The following LRP1B variants were observed in gnomAD, a reference collection of about 807,000 sequenced individuals.
LRP1B encodes the protein low-density lipoprotein receptor-related protein 1B.
Under a neutral mutation model 556.6 loss-of-function variants are expected in LRP1B, and 217 were observed. The ratio of observed to expected loss-of-function variants is 0.39; its 90% CI spans 0.35 to 0.44. LRP1B has a LOEUF of 0.44. Ranked by LOEUF, LRP1B falls within the 20% of genes least tolerant of loss-of-function variation. The pLI, the probability that LRP1B is intolerant of heterozygous loss-of-function variation, is 1.00. For missense variants in LRP1B, 5,053 were observed against 5,620.8 expected (o/e 0.90, Z 3.23); for synonymous variants, 2,047 against 1,865.8 (o/e 1.10, Z -2.50).
intron 60 of LRP1B, among the ~76,000 whole-genome samples, chr2:140,458,419 G>C (rs562132496): frequency 1.2e-4 from 18 of 152,182 alleles, no homozygotes; most frequent in Admixed American, 2.6e-4. Context: ...CAGTAAATAA[G>C]ATATGGTAAA....
chr2:141,657,587 C>CT (rs11448023), intron 2 of LRP1B, among the ~76,000 whole-genome samples: 13,995 of 152,064 alleles, frequency 0.092, 693 homozygotes, highest in South Asian at 0.15. Flanking sequence ...ATACATTTCT[C>CT]TTTTTTGTAA....
intron 1 of LRP1B, among the ~76,000 whole-genome samples, chr2:141,891,786 A>C (rs1307392798): frequency 1.3e-5 from 2 of 152,070 alleles, no homozygotes; most frequent in African/African-American, 4.8e-5. Context: ...TCATATTAAT[A>C]AGCATTAGGG....
At chr2:141,752,085 C>G (rs1465646821) in intron 2 of LRP1B, among the ~76,000 whole-genome samples, 5 of 151,800 alleles carry the variant, frequency 3.3e-5, no homozygotes, top group Admixed American at 2.0e-4. Context: ...TGAAATTTAG[C>G]TGGTATTTTA....
At chr2:140,237,940 T>C (rs1167909152) in intron 89 of LRP1B, among the ~76,000 whole-genome samples, 2 of 150,830 alleles carry the variant, frequency 1.3e-5, no homozygotes, top group Non-Finnish European at 3.0e-5. Context: ...CAAATAAATA[T>C]GTGTTTTCTA....
At chr2:140,325,283 G>A (rs1410732477) in intron 80 of LRP1B, among the ~76,000 whole-genome samples, 1 of 152,068 alleles carries the variant, frequency 6.6e-6, no homozygotes, top group Non-Finnish European at 1.5e-5. Flanking sequence ...AGTAGATTAA[G>A]CAGTCACTGG....
intron 35 of LRP1B, among the ~76,000 whole-genome samples, chr2:140,763,212 A>C (rs1037045607): frequency 2.0e-5 from 3 of 152,144 alleles, no homozygotes; most frequent in African/African-American, 7.2e-5. Context: ...ATCTCTCAGC[A>C]GCTACTAATA....
At chr2:140,868,303 CAGTCA>C in intron 25 of LRP1B, 40 bp from the exon 26 acceptor site, 1 of 1,486,566 alleles carries the variant, frequency 6.7e-7, no homozygotes, top group Non-Finnish European at 9.0e-7. Context: ...ACTATTGTTT[CAGTCA>C]TTCATTTCAC....
At chr2:140,425,234 T>C (rs1685605576) in intron 66 of LRP1B, among the ~76,000 whole-genome samples, 1 of 152,178 alleles carries the variant, frequency 6.6e-6, no homozygotes, top group Non-Finnish European at 1.5e-5. Flanking sequence ...TTAAGACTAT[T>C]GAAATACATA....
At chr2:140,517,052 C>T in intron 49 of LRP1B, 41 bp from the exon 50 acceptor site, 1 of 1,439,492 alleles carries the variant, frequency 6.9e-7, no homozygotes. Flanking sequence ...TCATTTTAGA[C>T]TTCTGAAATA....
At chr2:140,762,785 A>G (rs2104919169) in intron 35 of LRP1B, among the ~76,000 whole-genome samples, 1 of 152,312 alleles carries the variant, frequency 6.6e-6, no homozygotes, top group Non-Finnish European at 1.5e-5. Flanking sequence ...CTAGTTGATT[A>G]AAAATTAATG....
chr2:140,883,111 A>G lies in LRP1B; in HGVS notation c.4169+706T>C, dbSNP rs183025205. 1.9e-3 allele frequency among the ~76,000 whole-genome samples: 292 copies of G among 152,316 alleles called. 2 individuals are homozygous for G. Among genetic ancestry groups the G allele is most frequent in the African/African-American group, 6.7e-3 (279 of 41,568 alleles). On this transcript the variant is annotated intron_variant, in intron 25 of 90. Transcript: ENST00000389484. ...AATAGAAACCTGAAATCTAAGGGAAAAAGATACACTTGATACACCCAGAGT... is the reference window on the plus strand; with the variant it reads ...AATAGAAACCTGAAATCTAAGGGAAGAAGATACACTTGATACACCCAGAGT...
At chr2:140,716,430 C>T (rs2105462979) in intron 36 of LRP1B, among the ~76,000 whole-genome samples, 1 of 152,144 alleles carries the variant, frequency 6.6e-6, no homozygotes, top group Middle Eastern at 3.4e-3. Context: ...CACTTGTTTA[C>T]CTGCCTTCTG....
chr2:140,949,599 A>C, intron 20 of LRP1B, among the ~76,000 whole-genome samples: 1 of 151,160 alleles, frequency 6.6e-6, no homozygotes, highest in East Asian at 1.9e-4. Context: ...TTTTTTATAT[A>C]TTTTCTTTTT....
intron 3 of LRP1B, among the ~76,000 whole-genome samples, chr2:141,470,730 T>G (rs190296440): frequency 6.6e-6 from 1 of 152,148 alleles, no homozygotes; most frequent in African/African-American, 2.4e-5. Context: ...AACCAAATAA[T>G]GAATCATACG....
intron 3 of LRP1B, among the ~76,000 whole-genome samples, chr2:141,311,303 C>T (rs184541537): frequency 6.6e-6 from 1 of 152,244 alleles, no homozygotes; most frequent in Admixed American, 6.5e-5. Context: ...ATGATGCCAA[C>T]CTGAATTCTA....
intron 31 of LRP1B, among the ~76,000 whole-genome samples, chr2:140,821,890 C>T (rs770258378): frequency 1.3e-5 from 2 of 151,872 alleles, no homozygotes; most frequent in East Asian, 3.9e-4. Flanking sequence ...AAATTAGCCA[C>T]TCAGGAGGCT....
intron 3 of LRP1B, among the ~76,000 whole-genome samples, chr2:141,478,492 C>T (rs1440421759): frequency 6.7e-6 from 1 of 150,178 alleles, no homozygotes; most frequent in Non-Finnish European, 1.5e-5. Flanking sequence ...ATTTAAAAAT[C>T]CTTCTTTCCT....
intron 3 of LRP1B, among the ~76,000 whole-genome samples, chr2:141,419,071 T>G (rs934727969): frequency 6.6e-6 from 1 of 152,114 alleles, no homozygotes; most frequent in Non-Finnish European, 1.5e-5. Context: ...ATTTTACTGA[T>G]TTCCAATTTG....
intron 60 of LRP1B, among the ~76,000 whole-genome samples, chr2:140,465,346 A>G (rs528731864): frequency 6.6e-6 from 1 of 152,122 alleles, no homozygotes; most frequent in Non-Finnish European, 1.5e-5. Flanking sequence ...AAAATATCCA[A>G]ACTGTATCAG....
Sources: allele counts gnomAD v4.1 joint callset (sites outside exome capture counted in the v4.1 genomes callset), GRCh38; gene constraint gnomAD v4.1.1; transcripts MANE v1.5; gene names NCBI Gene and HGNC (gene_info 2026-07-23, HGNC 2026-07-21).